The following LINGO2 variants were observed in gnomAD, a reference collection of about 807,000 sequenced individuals.
LINGO2 encodes the protein leucine rich repeat and Ig domain containing 2, also known as leucine-rich repeat and immunoglobulin-like domain-containing nogo receptor-interacting protein 2.
In LINGO2, 14 loss-of-function variants were observed where a neutral mutation model predicts 30.6. That is an observed-to-expected ratio of 0.46 (90% CI 0.30 to 0.72). LINGO2 has a LOEUF of 0.72. LINGO2 is among the 30% of genes least tolerant of loss of function. LINGO2 has a pLI of 0.07. For missense variants in LINGO2, 729 were observed against 751.7 expected, an observed-to-expected ratio of 0.97 and a Z score of 0.35; for synonymous variants, 317 against 288.5, an observed-to-expected ratio of 1.10 and a Z score of -1.00.
intron 5 of LINGO2, among the ~76,000 whole-genome samples, chr9:27,972,482 C>T (rs895950142): frequency 9.8e-5 from 15 of 152,312 alleles, no homozygotes; most frequent in Middle Eastern, 3.4e-3. Flanking sequence ...CCTCCAACAA[C>T]CTCAGTCCGT....
intron 1 of LINGO2, among the ~76,000 whole-genome samples, chr9:28,575,060 C>T (rs1417197517): frequency 6.6e-6 from 1 of 152,118 alleles, no homozygotes; most frequent in Non-Finnish European, 1.5e-5. Context: ...TTGCAATAAC[C>T]TGGATGCAGC....
intron 1 of LINGO2, among the ~76,000 whole-genome samples, chr9:28,508,419 G>C (rs1227364933): frequency 6.6e-6 from 1 of 152,012 alleles, no homozygotes; most frequent in Admixed American, 6.6e-5. Flanking sequence ...ATACTAAAGG[G>C]AAATTGTAGA....
At chr9:27,972,993 A>T (rs1052275872) in intron 5 of LINGO2, among the ~76,000 whole-genome samples, 35 of 152,128 alleles carry the variant, frequency 2.3e-4, no homozygotes, top group Non-Finnish European at 1.0e-4. Flanking sequence ...TCTCTTCTTG[A>T]GCTGAGACAT....
chr9:28,983,223 A>G, the LINGO2 span, among the ~76,000 whole-genome samples: 1 of 151,814 alleles, frequency 6.6e-6, no homozygotes, highest in South Asian at 2.1e-4. Context: ...AAGAATATGC[A>G]ATGAGGAACG....
At chr9:28,270,712 T>A (rs895774755) in intron 4 of LINGO2, among the ~76,000 whole-genome samples, 1 of 152,112 alleles carries the variant, frequency 6.6e-6, no homozygotes, top group Non-Finnish European at 1.5e-5. Flanking sequence ...TTTGTGCTTG[T>A]TGGGAAAATA....
intron 1 of LINGO2, among the ~76,000 whole-genome samples, chr9:28,655,958 T>C (rs182839079): frequency 1.1e-3 from 167 of 152,226 alleles, no homozygotes; most frequent in Middle Eastern, 6.8e-3. Context: ...TAGGGGGCTG[T>C]ACATCACAGG....
intron 1 of LINGO2, among the ~76,000 whole-genome samples, chr9:28,662,185 T>A (rs1828610243): frequency 6.6e-6 from 1 of 152,094 alleles, no homozygotes; most frequent in South Asian, 2.1e-4. Flanking sequence ...GGATGCTAGG[T>A]GTCACACAAC....
chr9:28,829,048 C>T, the LINGO2 span, among the ~76,000 whole-genome samples: 1 of 152,114 alleles, frequency 6.6e-6, no homozygotes, highest in Non-Finnish European at 1.5e-5. Context: ...CCGTCCCACT[C>T]CCCATCCTGC....
At chr9:29,162,011 C>T in the LINGO2 span, among the ~76,000 whole-genome samples, 1 of 151,904 alleles carries the variant, frequency 6.6e-6, no homozygotes, top group Non-Finnish European at 1.5e-5. Flanking sequence ...CCTCTGCCTC[C>T]TGGATTCAAG....
At chr9:28,933,685 G>T in the LINGO2 span, among the ~76,000 whole-genome samples, 1 of 152,130 alleles carries the variant, frequency 6.6e-6, no homozygotes, top group Non-Finnish European at 1.5e-5. Context: ...AACAAAAAAA[G>T]ATGCTGCAAA....
At chr9:28,647,888 T>C (rs983415155) in intron 1 of LINGO2, among the ~76,000 whole-genome samples, 4 of 143,622 alleles carry the variant, frequency 2.8e-5, no homozygotes, top group African/African-American at 1.1e-4. Context: ...TCTTTTTCTT[T>C]CTTTCTTTTT....
intron 4 of LINGO2, among the ~76,000 whole-genome samples, chr9:28,286,288 C>A (rs896551503): frequency 2.3e-4 from 35 of 152,120 alleles, no homozygotes; most frequent in African/African-American, 8.4e-4. Context: ...AGAATGGCTA[C>A]TATTAAAAAG....
chr9:29,191,306 A>C, the LINGO2 span, among the ~76,000 whole-genome samples: 3 of 152,196 alleles, frequency 2.0e-5, no homozygotes, highest in Non-Finnish European at 4.4e-5. Context: ...CTTGAAAGCA[A>C]ACTGTGAACT....
the LINGO2 span, among the ~76,000 whole-genome samples, chr9:28,676,328 T>A: frequency 1.3e-5 from 2 of 152,086 alleles, no homozygotes; most frequent in African/African-American, 2.4e-5. Flanking sequence ...AATGAATAAT[T>A]TGACTCTGTC....
the LINGO2 span, among the ~76,000 whole-genome samples, chr9:28,819,303 C>A: frequency 6.6e-6 from 1 of 152,168 alleles, no homozygotes; most frequent in Non-Finnish European, 1.5e-5. Context: ...TGGCTCAAAT[C>A]TCACTATTTT....
At chr9:29,158,386 T>C in the LINGO2 span, among the ~76,000 whole-genome samples, 3 of 151,216 alleles carry the variant, frequency 2.0e-5, no homozygotes, top group African/African-American at 4.9e-5. Flanking sequence ...GATTAGGAGA[T>C]CCTTTATTCC....
intron 4 of LINGO2, among the ~76,000 whole-genome samples, chr9:28,230,443 A>ATTAAGCCAAGTTATGTTTAC (rs1821317657): frequency 6.6e-6 from 1 of 151,856 alleles, no homozygotes; most frequent in Non-Finnish European, 1.5e-5. Flanking sequence ...TACTTGGCTT[A>ATTAAGCCAAGTTATGTTTAC]ATAGTTTATG....
At chr9:28,633,835 G>A (rs908640146) in intron 1 of LINGO2, among the ~76,000 whole-genome samples, 12 of 152,262 alleles carry the variant, frequency 7.9e-5, no homozygotes, top group African/African-American at 2.6e-4. Flanking sequence ...AACACAATGC[G>A]TAGTCAATGA....
At chr9:28,305,097 A>C (rs976311593) in intron 3 of LINGO2, among the ~76,000 whole-genome samples, 23 of 152,040 alleles carry the variant, frequency 1.5e-4, no homozygotes, top group African/African-American at 4.8e-4. Context: ...AACCATATTA[A>C]CCATACTAAT....
Sources: allele counts gnomAD v4.1 joint callset (sites outside exome capture counted in the v4.1 genomes callset), GRCh38; gene constraint gnomAD v4.1.1; transcripts MANE v1.5; gene names NCBI Gene and HGNC (gene_info 2026-07-23, HGNC 2026-07-21).